The following TMEM178B variants were observed in gnomAD, a reference collection of about 807,000 sequenced individuals.
TMEM178B encodes the protein transmembrane protein 178B.
TMEM178B carries 5 observed loss-of-function variants against 31.0 expected under a neutral mutation model. The observed-to-expected ratio is 0.16, with a 90% CI of 0.08 to 0.34. The LOEUF (loss-of-function observed/expected upper bound fraction) is 0.34. TMEM178B is among the 10% of genes least tolerant of loss of function. TMEM178B has a pLI of 1.00. For synonymous variants in TMEM178B, 164 were observed against 164.0 expected, an observed-to-expected ratio of 1.00 and a Z score of 0.00; for missense variants, 275 against 400.3, an observed-to-expected ratio of 0.69 and a Z score of 2.67.
intron 2 of TMEM178B, among the ~76,000 whole-genome samples, chr7:141,355,745 A>G (rs902164154): frequency 2.0e-5 from 3 of 152,218 alleles, no homozygotes; most frequent in Non-Finnish European, 4.4e-5. Flanking sequence ...AGGGTGGGAC[A>G]TGTGCAGGTT....
chr7:141,269,933 C>T (rs1490338470), intron 2 of TMEM178B, among the ~76,000 whole-genome samples: 2 of 151,984 alleles, frequency 1.3e-5, no homozygotes, highest in African/African-American at 2.4e-5. Context: ...GGGCTGGTGG[C>T]GCATGCCTGT....
At chr7:141,373,892 G>A (rs1800163430) in intron 2 of TMEM178B, among the ~76,000 whole-genome samples, 1 of 152,184 alleles carries the variant, frequency 6.6e-6, no homozygotes, top group Non-Finnish European at 1.5e-5. Context: ...TTGTGAAAGA[G>A]GACTCACAAC....
intron 2 of TMEM178B, among the ~76,000 whole-genome samples, chr7:141,282,285 A>G (rs531786172): frequency 2.0e-5 from 3 of 152,332 alleles, no homozygotes; most frequent in Admixed American, 6.5e-5. Context: ...GGGTTTGCCA[A>G]TTGTGAGGCT....
At chr7:141,286,531 T>C (rs548595837) in intron 2 of TMEM178B, among the ~76,000 whole-genome samples, 12 of 152,316 alleles carry the variant, frequency 7.9e-5, no homozygotes, top group African/African-American at 2.6e-4. Context: ...CTGGCTATCA[T>C]ATTGTTTGAA....
At chr7:141,102,159 A>G (rs1463727661) in intron 1 of TMEM178B, among the ~76,000 whole-genome samples, 1 of 152,180 alleles carries the variant, frequency 6.6e-6, no homozygotes, top group Non-Finnish European at 1.5e-5. Context: ...TAGTAGTTTC[A>G]TTAGAGAGTG....
the TMEM178B span, among the ~76,000 whole-genome samples, chr7:141,497,743 C>T: frequency 6.6e-6 from 1 of 152,190 alleles, no homozygotes; most frequent in Non-Finnish European, 1.5e-5. Context: ...TTTCTGTATT[C>T]CCACTCTTAG....
At chr7:141,196,149 G>GCA (rs964386901) in intron 1 of TMEM178B, among the ~76,000 whole-genome samples, 6 of 151,114 alleles carry the variant, frequency 4.0e-5, no homozygotes, top group Admixed American at 6.6e-5. Context: ...ACACACACAT[G>GCA]CACACACACA....
intron 3 of TMEM178B, among the ~76,000 whole-genome samples, chr7:141,462,275 G>A (rs540722865): frequency 1.3e-5 from 2 of 152,278 alleles, no homozygotes; most frequent in Admixed American, 6.5e-5. Flanking sequence ...AGACTTTGAA[G>A]GAATAAAATA....
chr7:141,285,379 C>T (rs565404973), intron 2 of TMEM178B, among the ~76,000 whole-genome samples: 2 of 151,434 alleles, frequency 1.3e-5, no homozygotes, highest in Admixed American at 6.6e-5. Flanking sequence ...AAGATGGTCT[C>T]GATCTCCTGA....
At chr7:141,337,227 C>G (rs1438350827) in intron 2 of TMEM178B, among the ~76,000 whole-genome samples, 1 of 112,110 alleles carries the variant, frequency 8.9e-6, no homozygotes, top group Non-Finnish European at 1.9e-5. Flanking sequence ...ACCACCACCA[C>G]CACCACCCCC....
At chr7:141,222,996 C>G (rs762016175) in intron 2 of TMEM178B, among the ~76,000 whole-genome samples, 15 of 152,082 alleles carry the variant, frequency 9.9e-5, no homozygotes, top group Non-Finnish European at 1.9e-4. Flanking sequence ...TACTTAGTGT[C>G]TAAAAAGTAA....
rs1802401515 is a variant in TMEM178B, at chr7:141,477,821, CT to C, written c.*7036del. The C allele has an allele frequency of 6.6e-6, 1 of 152,250 alleles. No homozygotes were observed. The highest frequency in any genetic ancestry group is 6.5e-5 in the Admixed American group (1 of 15,292). The allele number at this position is 152,250 out of a possible 1,614,324, so 9.4% of individuals were successfully genotyped here. A position where few individuals can be genotyped will look rare whatever the true frequency, so the allele number is the denominator to read the frequency against. Reference sequence around the variant, plus strand: ...GTTTTCTCTCTGCTACTCCTGGCCTCTGCTTTCGCCCCTCAGAAAGTGACCT... The same window carrying C: ...GTTTTCTCTCTGCTACTCCTGGCCTCGCTTTCGCCCCTCAGAAAGTGACCT... On this transcript the variant is annotated 3_prime_UTR_variant, in exon 4 of 4. Coordinates refer to ENST00000565468, the MANE Select transcript of TMEM178B (RefSeq NM_001195278.2).
chr7:141,443,556 A>G (rs77446365), intron 3 of TMEM178B, among the ~76,000 whole-genome samples: 5,975 of 152,296 alleles, frequency 0.039, 358 homozygotes, highest in East Asian at 0.22. Flanking sequence ...TTTGGGGAGA[A>G]AGAGGTAAAA....
chr7:141,174,551 T>C (rs1240317658), intron 1 of TMEM178B, among the ~76,000 whole-genome samples: 1 of 152,236 alleles, frequency 6.6e-6, no homozygotes, highest in Non-Finnish European at 1.5e-5. Flanking sequence ...TTTTCCACAA[T>C]GGTTGAACTA....
At chr7:141,190,563 G>A (rs746578506) in intron 1 of TMEM178B, among the ~76,000 whole-genome samples, 4 of 151,866 alleles carry the variant, frequency 2.6e-5, no homozygotes, top group Non-Finnish European at 4.4e-5. Flanking sequence ...CTCCCACCTC[G>A]GCCTCTCAAG....
In TMEM178B at chr7:141,344,903, A is replaced by G. The variant is rs1267164880; in HGVS notation, c.497-92705A>G. 6.6e-6 allele frequency among the ~76,000 whole-genome samples: 1 copy of G among 152,220 alleles called. No homozygotes were observed. Among genetic ancestry groups the G allele is most frequent in the East Asian group, 1.9e-4 (1 of 5,200 alleles). On this transcript the variant is annotated intron_variant, in intron 2 of 3. Coordinates refer to ENST00000565468, the MANE Select transcript of TMEM178B (RefSeq NM_001195278.2). This position sits in a 1 kb window ranked among gnomAD's most constrained non-coding sequence, Gnocchi z 4.1. The stretch of plus-strand genomic sequence containing the variant: ...ACTTGGTGGTCTTGGTTGTAAAGTG[A>G]CAGAAATGAACAGGACCACATCTCT...
At chr7:141,415,006 G>A (rs1406483185) in intron 2 of TMEM178B, 2 of 152,274 alleles carry the variant, frequency 1.3e-5, no homozygotes, top group South Asian at 2.1e-4. Flanking sequence ...TCTCTCCAGC[G>A]TCAGCAAAGG....
chr7:141,088,206 TG>T (rs1404929996), intron 1 of TMEM178B, among the ~76,000 whole-genome samples: 1 of 152,064 alleles, frequency 6.6e-6, no homozygotes, highest in Non-Finnish European at 1.5e-5. Flanking sequence ...ATCAGTGGAG[TG>T]GAAGGTGACT....
chr7:141,389,815 TG>T (rs1563168899), intron 2 of TMEM178B, among the ~76,000 whole-genome samples: 1 of 152,154 alleles, frequency 6.6e-6, no homozygotes. Flanking sequence ...TTCAGAGACT[TG>T]GGGGGAAAAG....
Sources: allele counts gnomAD v4.1 joint callset (sites outside exome capture counted in the v4.1 genomes callset), GRCh38; gene constraint gnomAD v4.1.1; non-coding constraint Gnocchi (gnomAD v3.1); transcripts MANE v1.5; gene names NCBI Gene and HGNC (gene_info 2026-07-23, HGNC 2026-07-21).